Variants in VEGFD observed in about 807,000 individuals in gnomAD.
VEGFD encodes c-fos induced growth factor (vascular endothelial growth factor D).
VEGFD carries 26 observed loss-of-function variants against 28.0 expected under a neutral mutation model. The observed-to-expected ratio is 0.93, with a 90% CI of 0.68 to 1.29. The LOEUF is 1.29. VEGFD is among the 50% of genes most tolerant of loss of function. The probability of loss-of-function intolerance (pLI) is 0.00; values close to 1 mark genes in which losing one functional copy is unlikely to be tolerated. For synonymous variants in VEGFD, 93 were observed against 95.5 expected (o/e 0.97, Z 0.15); for missense variants, 294 against 273.4 (o/e 1.08, Z -0.53).
At chrX:15,356,617 A>G (rs1287974476) in intron 3 of VEGFD, among the ~76,000 whole-genome samples, 1 of 111,854 alleles carries the variant, frequency 8.9e-6, no homozygotes, top group African/African-American at 3.3e-5. Context: ...TGTAGTGTTT[A>G]CTTTGCATAA....
intron 1 of VEGFD, among the ~76,000 whole-genome samples, chrX:15,371,890 T>C (rs1381556925): frequency 7.1e-5 from 8 of 112,165 alleles, no homozygotes; most frequent in Non-Finnish European, 1.3e-4. Context: ...GGAAAATTAC[T>C]TAAAAAATGA....
At chrX:15,348,758 T>C (rs1922616061) in intron 5 of VEGFD, among the ~76,000 whole-genome samples, 1 of 112,541 alleles carries the variant, frequency 8.9e-6, no homozygotes, top group African/African-American at 3.2e-5. Flanking sequence ...CATTTGTCTG[T>C]TTACTTGTAT....
In VEGFD at chrX:15,358,052, T is replaced by G. The variant is rs779463416; in HGVS notation, c.443A>C (p.Glu148Ala). The change falls in exon 3 of 7, where the codon GAA becomes GCA. Residue 148 changes from glutamate (E) to alanine (A), a missense_variant. Coordinates refer to ENST00000297904, the MANE Select transcript of VEGFD (RefSeq NM_004469.5). ...NVFRCGGCCN[E>A]ESLICMNTST... The stretch of plus-strand genomic sequence containing the variant: ...GGTGTTCATACAGATAAGGCTCTCT[T>G]CATTGCAACAGCCACCACATCGGAA... 11 of 1,210,224 alleles carry G rather than the reference T, an allele frequency of 9.1e-6. No homozygotes were observed. In the South Asian group the frequency reaches 1.9e-4, roughly 21 times the overall value.
chrX:15,355,994 G>A (rs1036861388), intron 3 of VEGFD, among the ~76,000 whole-genome samples: 7 of 112,130 alleles, frequency 6.2e-5, no homozygotes, highest in Middle Eastern at 4.6e-3. Flanking sequence ...TGTTTGTTAC[G>A]TAGCACTGTG....
intron 1 of VEGFD, among the ~76,000 whole-genome samples, chrX:15,379,883 C>T (rs1235116180): frequency 1.8e-5 from 2 of 111,775 alleles, no homozygotes; most frequent in African/African-American, 6.5e-5. Context: ...AGGTCTAAAA[C>T]AGGATTTTTA....
At chrX:15,372,950 C>T (rs1214395660) in intron 1 of VEGFD, among the ~76,000 whole-genome samples, 1 of 111,530 alleles carries the variant, frequency 9.0e-6, no homozygotes, top group Non-Finnish European at 1.9e-5. Flanking sequence ...TCAACAATAT[C>T]GCTTTTCAGG....
At chrX:15,371,428 A>T (rs1393824490) in intron 1 of VEGFD, among the ~76,000 whole-genome samples, 1 of 112,183 alleles carries the variant, frequency 8.9e-6, no homozygotes, top group East Asian at 2.8e-4. Context: ...TTTTGCAAGT[A>T]ATTTTCTTTT....
At chrX:15,372,527 C>T (rs1458365138) in intron 1 of VEGFD, among the ~76,000 whole-genome samples, 6 of 110,945 alleles carry the variant, frequency 5.4e-5, no homozygotes, top group African/African-American at 1.6e-4. Context: ...TACTGATGCT[C>T]GAATCTTAAA....
In VEGFD at chrX:15,355,150, C is replaced by T. The variant is rs760573055; in HGVS notation, c.641G>A (p.Arg214His). 1.0e-5 allele frequency: 12 copies of T among 1,161,231 alleles called. No individual in the cohort carries two copies. The highest frequency in any genetic ancestry group is 1.0e-5 in the Non-Finnish European group (9 of 877,246). Residue 214 changes from arginine to histidine, a missense_variant and splice_region_variant, in exon 4 of 7, where the codon CGC becomes CAC. Transcript: ENST00000297904. ...RRSIQIPEED[R>H]CSHSKKLCPI... is the part of the protein sequence containing the mutation. ...TAAAAAAAAAAACAAAAGTGCTTACCGATCTTCTTCAGGGATCTGGATGGA... is the reference window on the plus strand; with the variant it reads ...TAAAAAAAAAAACAAAAGTGCTTACTGATCTTCTTCAGGGATCTGGATGGA...
chrX:15,368,065 A>AGAAAG lies in VEGFD; in HGVS notation c.91-4751_91-4747dup, dbSNP rs1185167455. 3.1e-4 allele frequency among the ~76,000 whole-genome samples: 33 copies of AGAAAG among 106,105 alleles called. No individual in the cohort carries two copies. The South Asian group carries it at 3.9e-3, about 12-fold the overall frequency. 92.1% of individuals were successfully genotyped at this position (106,105 alleles called of 115,157 possible). On this transcript the variant is annotated intron_variant, in intron 1 of 6. Coordinates refer to ENST00000297904, the MANE Select transcript of VEGFD (RefSeq NM_004469.5). ...AAGAAAGAAAGAAGAAAGAAAGGAA[A>AGAAAG]GAAAGAAAGAAAGAAAGAAAAGAAA...
chrX:15,357,869 G>C, intron 3 of VEGFD, 134 bp downstream of exon 3: 4 of 554,783 alleles, frequency 7.2e-6, no homozygotes, highest in Non-Finnish European at 8.4e-6. Flanking sequence ...ATACCCTCTT[G>C]ATTTGTTTCA....
intron 1 of VEGFD, among the ~76,000 whole-genome samples, chrX:15,370,976 C>T (rs16979861): frequency 0.01 from 1,146 of 110,172 alleles, 13 homozygotes; most frequent in African/African-American, 0.035. Context: ...CTCTTTCTCT[C>T]GTGCTCTCAC....
In VEGFD at chrX:15,347,294, C is replaced by G; in HGVS notation, c.808G>C (p.Glu270Gln). The change falls in exon 6 of 7, where the codon GAG (glutamate) becomes CAG (glutamine). Residue 270 changes from glutamate to glutamine, a missense_variant. Glu to Gln is a conservative substitution (Grantham distance 29). Coordinates refer to ENST00000297904, the MANE Select transcript of VEGFD (RefSeq NM_004469.5). ...PHMMFDEDRC[E>Q]CVCKTPCPKD... ...GGACATGGTGTTTTACAGACACACT[C>G]GCAACGATCTTCGTCAAACATCATG... 1 of 1,211,082 alleles carries G rather than the reference C, an allele frequency of 8.3e-7. No individual in the cohort carries two copies. Among genetic ancestry groups the G allele is most frequent in the Non-Finnish European group, 1.1e-6 (1 of 895,169 alleles).
intron 5 of VEGFD, among the ~76,000 whole-genome samples, chrX:15,352,320 C>CTTT (rs72308727): frequency 5.0e-5 from 5 of 100,502 alleles, no homozygotes; most frequent in Admixed American, 1.1e-4. Flanking sequence ...TTTTTTCTTT[C>CTTT]TTTTTTTTTT....
In VEGFD at chrX:15,347,297, A is replaced by G; in HGVS notation, c.805T>C (p.Cys269Arg). The G allele has an allele frequency of 8.3e-7, 1 of 1,211,617 alleles. No homozygotes were observed. Among genetic ancestry groups the G allele is most frequent in the Non-Finnish European group, 1.1e-6 (1 of 895,375 alleles). The change falls in exon 6 of 7, where the codon TGC becomes CGC. Residue 269 changes from cysteine to arginine, a missense_variant. Transcript: ENST00000297904. ...GPHMMFDEDR[C>R]ECVCKTPCPK... The stretch of plus-strand genomic sequence containing the variant: ...CATGGTGTTTTACAGACACACTCGC[A>G]ACGATCTTCGTCAAACATCATGTGT...
chrX:15,365,765 T>G (rs1923130192), intron 1 of VEGFD, among the ~76,000 whole-genome samples: 1 of 111,903 alleles, frequency 8.9e-6, no homozygotes, highest in African/African-American at 3.3e-5. Flanking sequence ...ATCTTACATG[T>G]CTCTTAAATG....
chrX:15,371,685 T>C (rs1424256227), intron 1 of VEGFD, among the ~76,000 whole-genome samples: 1 of 111,969 alleles, frequency 8.9e-6, no homozygotes, highest in Non-Finnish European at 1.9e-5. Flanking sequence ...CAGTATGAAA[T>C]TGGTATTACA....
chrX:15,382,046 C>T (rs1435153700), intron 1 of VEGFD, among the ~76,000 whole-genome samples: 3 of 111,874 alleles, frequency 2.7e-5, no homozygotes, highest in East Asian at 2.8e-4. Flanking sequence ...GCCAGCCGGG[C>T]GCGGTGGCTC....
intron 1 of VEGFD, among the ~76,000 whole-genome samples, chrX:15,376,004 C>A (rs1477229884): frequency 9.0e-6 from 1 of 111,404 alleles, no homozygotes; most frequent in Admixed American, 9.5e-5. Flanking sequence ...GCAAGACAAC[C>A]CCAGACCCTC....
Sources: gnomAD v4.1 joint callset for allele counts (sites outside exome capture counted in the v4.1 genomes callset) on GRCh38, gnomAD v4.1.1 for gene constraint, MANE v1.5 for transcripts, NCBI Gene and HGNC (gene_info 2026-07-23, HGNC 2026-07-21) for gene names.